CAPN8: variants seen among roughly 807,000 people sequenced by gnomAD.
CAPN8 encodes the protein calpain-8.
Under a neutral mutation model 80.9 loss-of-function variants are expected in CAPN8, and 87 were observed. The ratio of observed to expected loss-of-function variants is 1.07; its 90% CI spans 0.90 to 1.28. The LOEUF (loss-of-function observed/expected upper bound fraction) is 1.28, where lower values mean the gene tolerates loss of function less well. Ranked by LOEUF, CAPN8 falls within the 50% of genes most tolerant of loss-of-function variation. The probability of loss-of-function intolerance (pLI) is 0.00; values close to 1 mark genes in which losing one functional copy is unlikely to be tolerated. For missense variants in CAPN8, 757 were observed against 702.0 expected (o/e 1.08, Z -0.89); for synonymous variants, 299 against 273.8 (o/e 1.09, Z -0.91).
chr1:223,615,901 T>C (rs1471539615), intron 10 of CAPN8, 69 bp downstream of exon 10: 1 of 1,527,292 alleles, frequency 6.5e-7, no homozygotes, highest in African/African-American at 1.4e-5. Context: ...TGTGCTACAA[T>C]GACTGGCCAA....
At chr1:223,556,974 C>T (rs935020747) in intron 13 of CAPN8, among the ~76,000 whole-genome samples, 5 of 152,122 alleles carry the variant, frequency 3.3e-5, no homozygotes, top group South Asian at 4.2e-4. Context: ...GCTCAGATCA[C>T]CAAGAGTCAC....
intron 2 of CAPN8, among the ~76,000 whole-genome samples, chr1:223,636,786 AGACC>A (rs1657902676): frequency 8.9e-6 from 1 of 112,882 alleles, no homozygotes; most frequent in South Asian, 3.7e-4. Context: ...TTGAAAACTC[AGACC>A]TTGAGTAGTC....
At chr1:223,625,717 G>A (rs1381839937) in intron 6 of CAPN8, 88 bp downstream of exon 6, 3 of 1,203,742 alleles carry the variant, frequency 2.5e-6, no homozygotes, top group Non-Finnish European at 3.6e-6. Flanking sequence ...CCTTCTAGTA[G>A]TAATCACCTC....
rs1656514341 is a variant in CAPN8, at chr1:223,543,128, C to T, written c.2068G>A (p.Val690Ile). Residue 690 changes from valine to isoleucine, a missense_variant, in exon 20 of 21, where the codon GTT becomes ATT. Physicochemically the swap from Val to Ile is conservative, Grantham distance 29. Transcript: ENST00000366872. ...SLLDEDKDGMVQLSLAEWLCC... is the reference protein window; with the variant it reads ...SLLDEDKDGMIQLSLAEWLCC... ...TTCACCTCGGCCAGAGAGAGCTGAA[C>T]CATGCCATCCTTGTCTTCGTCCAGA... 6.4e-7 allele frequency: 1 copy of T among 1,551,686 alleles called. No homozygotes were observed. Among genetic ancestry groups the T allele is most frequent in the Non-Finnish European group, 8.7e-7 (1 of 1,146,992 alleles).
At chr1:223,546,885 G>GGTGGTTGTTGTTGTTGTTGTT (rs973883560) in intron 16 of CAPN8, among the ~76,000 whole-genome samples, 2 of 149,908 alleles carry the variant, frequency 1.3e-5, no homozygotes, top group Non-Finnish European at 3.0e-5. Flanking sequence ...TTTGTTTTGT[G>GGTGGTTGTTGTTGTTGTTGTT]GTTGTTGTTG....
rs865904207 is a variant in CAPN8 at position 223,625,830 on chromosome 1, G to A, written c.788C>T (p.Ala263Val). ...ITSQKLVKSH[A>V]YSVTGVEEVN... ...CTCTTCGACTCCAGTGACAGAGTAC[G>A]CATGACTCTTAACCAGCTTCTGGCT... is the stretch of plus-strand genomic sequence containing the variant. Residue 263 changes from alanine (A) to valine (V), a missense_variant, in exon 6 of 21, where the codon GCG becomes GTG. Coordinates refer to ENST00000366872, the MANE Select transcript of CAPN8 (RefSeq NM_001143962.2). 5.8e-6 allele frequency: 9 copies of A among 1,551,354 alleles called. No individual in the cohort carries two copies. Among genetic ancestry groups the A allele is most frequent in the East Asian group, 2.4e-5 (1 of 40,890 alleles).
At chr1:223,657,352 A>T (rs977195530) in intron 1 of CAPN8, among the ~76,000 whole-genome samples, 20 of 152,172 alleles carry the variant, frequency 1.3e-4, no homozygotes, top group Non-Finnish European at 2.1e-4. Flanking sequence ...AAAGAGAAAA[A>T]AATTTTAATT....
At chr1:223,660,746 G>A (rs76260932) in intron 1 of CAPN8, among the ~76,000 whole-genome samples, 29 of 152,258 alleles carry the variant, frequency 1.9e-4, no homozygotes, top group Middle Eastern at 3.4e-3. Flanking sequence ...AGAAATTAAC[G>A]TCTGTGTGGG....
chr1:223,556,556 C>T (rs1656910013), intron 13 of CAPN8, among the ~76,000 whole-genome samples: 1 of 152,134 alleles, frequency 6.6e-6, no homozygotes, highest in African/African-American at 2.4e-5. Flanking sequence ...CATAAAGAAA[C>T]CTGTGAGCTG....
At chr1:223,556,875 C>G (rs1656917765) in intron 13 of CAPN8, among the ~76,000 whole-genome samples, 1 of 152,192 alleles carries the variant, frequency 6.6e-6, no homozygotes, top group Non-Finnish European at 1.5e-5. Context: ...AGAGATGCCA[C>G]CGTGAGCGAT....
At chr1:223,547,593 A>G (rs1025257296) in intron 16 of CAPN8, among the ~76,000 whole-genome samples, 5 of 152,212 alleles carry the variant, frequency 3.3e-5, no homozygotes, top group African/African-American at 1.2e-4. Context: ...TATACTTTAA[A>G]TGAGTACGCT....
At position 223,622,817 on chromosome 1, in the gene CAPN8, A is replaced by T; in HGVS notation, c.897T>A (p.Asp299Glu). Residue 299 changes from aspartate (D) to glutamate (E), a missense_variant and splice_region_variant, in exon 7 of 21, where the codon GAT (aspartate) becomes GAA (glutamate). Physicochemically the swap from Asp to Glu is conservative, Grantham distance 45. Transcript: ENST00000366872. ...AGAAGCGGGGGAAAAAAACCTACTC[A>T]TCGCTCCAGGCTCCCGACCACTCCA... ...GEVEWSGAWS[D>E]DAPEWNHIDP... is the part of the protein sequence containing the mutation. 3 of 1,551,454 alleles carry T rather than the reference A, an allele frequency of 1.9e-6. No homozygotes were observed. The highest frequency in any genetic ancestry group is 2.6e-6 in the Non-Finnish European group (3 of 1,146,792).
chr1:223,624,963 G>C (rs1184077686), intron 6 of CAPN8, among the ~76,000 whole-genome samples: 4 of 151,322 alleles, frequency 2.6e-5, no homozygotes, highest in Admixed American at 2.6e-4. Flanking sequence ...CGTGGTGGCG[G>C]GCGCCTGTAG....
intron 2 of CAPN8, chr1:223,643,963 A>C (rs575298051): frequency 5.8e-6 from 1 of 173,366 alleles, no homozygotes; most frequent in Middle Eastern, 2.6e-3. Context: ...AAATTTTTTT[A>C]ATACAAACAA....
In CAPN8 at chr1:223,637,650, G is replaced by C. The variant is rs73125619; in HGVS notation, c.308-8870C>G. On this transcript the variant is annotated intron_variant, in intron 2 of 20. Transcript: ENST00000366872. The stretch of plus-strand genomic sequence containing the variant: ...GGAGTTCCTCTCCCTTCCGGCTTAA[G>C]GGGTAGCTCCTGTATGCCATCATCA... 5.4e-3 allele frequency among the ~76,000 whole-genome samples: 819 copies of C among 152,270 alleles called. 10 individuals carry two copies. Among genetic ancestry groups the C allele is most frequent in the African/African-American group, 0.018 (745 of 41,524 alleles).
chr1:223,612,213 C>G (rs1012123660), intron 11 of CAPN8, 33 bp downstream of exon 11: 14 of 1,234,022 alleles, frequency 1.1e-5, no homozygotes, highest in Non-Finnish European at 1.4e-5. Flanking sequence ...TATTTCTCAC[C>G]AAAGGAAGGA....
At chr1:223,618,431 G>A in intron 9 of CAPN8, 1 of 1,107,376 alleles carries the variant, frequency 9.0e-7, no homozygotes, top group Non-Finnish European at 1.3e-6. Context: ...TGCCCTGTGT[G>A]TGGCCATCAC....
rs186137581 is a variant in CAPN8, at chr1:223,647,552, T to C, written c.307+6778A>G. On this transcript the variant is annotated intron_variant, in intron 2 of 20. Coordinates refer to ENST00000366872, the MANE Select transcript of CAPN8 (RefSeq NM_001143962.2). ...CCTGCTTGCTCTTCCTCTTTAAATA[T>C]TGAAGTTCCTAAAACCCTCTTTGGA... Among the ~76,000 whole-genome samples, 542 of 152,256 alleles carry C rather than the reference T, an allele frequency of 3.6e-3. 4 individuals are homozygous for C. The highest frequency in any genetic ancestry group is 0.012 in the African/African-American group (508 of 41,530).
At chr1:223,647,667 C>T (rs1223742661) in intron 2 of CAPN8, among the ~76,000 whole-genome samples, 2 of 152,012 alleles carry the variant, frequency 1.3e-5, no homozygotes, top group South Asian at 2.1e-4. Context: ...TCGAATTGAT[C>T]GACACCTGCT....
Sources: allele counts gnomAD v4.1 joint callset (sites outside exome capture counted in the v4.1 genomes callset), GRCh38; gene constraint gnomAD v4.1.1; transcripts MANE v1.5; gene names NCBI Gene and HGNC (gene_info 2026-07-23, HGNC 2026-07-21).